The following TMEM108 variants were observed in gnomAD, a reference collection of about 807,000 sequenced individuals.
TMEM108 encodes cancer/testis antigen 124.
TMEM108 carries 12 observed loss-of-function variants against 35.1 expected under a neutral mutation model. The ratio of observed to expected loss-of-function variants is 0.34; its 90% CI spans 0.22 to 0.55. The LOEUF (loss-of-function observed/expected upper bound fraction) is 0.55. Ranked by LOEUF, TMEM108 falls within the 20% of genes least tolerant of loss-of-function variation. The pLI, the probability that TMEM108 is intolerant of heterozygous loss-of-function variation, is 0.89. For synonymous variants in TMEM108, 287 were observed against 308.6 expected (o/e 0.93, Z 0.73); for missense variants, 680 against 753.3 (o/e 0.90, Z 1.14).
intron 3 of TMEM108, among the ~76,000 whole-genome samples, chr3:133,270,590 G>T (rs1202793252): frequency 6.6e-6 from 1 of 152,082 alleles, no homozygotes; most frequent in African/African-American, 2.4e-5. Context: ...AAGAAGACTG[G>T]AGGCTACTGG....
At chr3:133,093,157 T>C (rs1440639772) in intron 2 of TMEM108, among the ~76,000 whole-genome samples, 1 of 152,060 alleles carries the variant, frequency 6.6e-6, no homozygotes. Flanking sequence ...ATCTGGCTAA[T>C]TTTTTGTATT....
chr3:133,229,203 G>A, intron 2 of TMEM108, 63 bp from the exon 3 acceptor site: 1 of 1,110,984 alleles, frequency 9.0e-7, no homozygotes, highest in Non-Finnish European at 1.3e-6. Context: ...ATTGAGTGGA[G>A]TTATTTCTGA....
chr3:133,247,095 A>G (rs561821637), intron 3 of TMEM108: 1 of 152,316 alleles, frequency 6.6e-6, no homozygotes, highest in Admixed American at 6.5e-5. Flanking sequence ...TCTCCTGGGG[A>G]AAACTGTCTC....
chr3:133,092,207 G>A (rs1282474405), intron 2 of TMEM108, among the ~76,000 whole-genome samples: 5 of 152,176 alleles, frequency 3.3e-5, no homozygotes, highest in Non-Finnish European at 5.9e-5. Flanking sequence ...ATACATAGAA[G>A]TCAACTTCAT....
intron 2 of TMEM108, among the ~76,000 whole-genome samples, chr3:133,189,648 AT>A (rs1209830199): frequency 3.3e-5 from 5 of 152,234 alleles, no homozygotes; most frequent in South Asian, 2.1e-4. Flanking sequence ...TTACTTGACA[AT>A]TTGAGACACA....
chr3:133,150,789 G>A (rs1180345372), intron 2 of TMEM108, among the ~76,000 whole-genome samples: 2 of 152,058 alleles, frequency 1.3e-5, no homozygotes, highest in Non-Finnish European at 2.9e-5. Flanking sequence ...AGTGAACATC[G>A]ATCCAATAAG....
intron 2 of TMEM108, among the ~76,000 whole-genome samples, chr3:133,168,580 C>G (rs1296121679): frequency 1.3e-5 from 2 of 152,092 alleles, no homozygotes; most frequent in African/African-American, 4.8e-5. Context: ...CCAATCAGCA[C>G]TCTGTAAAAC....
intron 2 of TMEM108, among the ~76,000 whole-genome samples, chr3:133,179,118 A>G (rs1158275685): frequency 6.6e-6 from 1 of 151,728 alleles, no homozygotes; most frequent in Non-Finnish European, 1.5e-5. Flanking sequence ...ACCATCTCAC[A>G]CCAGTTAGAA....
intron 2 of TMEM108, among the ~76,000 whole-genome samples, chr3:133,180,956 A>G (rs529774514): frequency 2.1e-5 from 3 of 140,256 alleles, no homozygotes; most frequent in African/African-American, 8.0e-5. Context: ...CACATACATC[A>G]TTAATGCTTC....
chr3:133,139,788 T>TA (rs1320372915), intron 2 of TMEM108, among the ~76,000 whole-genome samples: 1 of 152,234 alleles, frequency 6.6e-6, no homozygotes, highest in Non-Finnish European at 1.5e-5. Flanking sequence ...GCCTTGATGT[T>TA]AGGCTGTCCT....
chr3:133,190,821 G>GT (rs1166190877), intron 2 of TMEM108, among the ~76,000 whole-genome samples: 1 of 152,102 alleles, frequency 6.6e-6, no homozygotes. Context: ...ATATATTTGT[G>GT]TTTTTCTTCC....
intron 2 of TMEM108, among the ~76,000 whole-genome samples, chr3:133,123,396 C>A (rs1944377629): frequency 6.6e-6 from 1 of 152,178 alleles, no homozygotes; most frequent in African/African-American, 2.4e-5. Context: ...TTTTTAGCAT[C>A]ACTAAATATT....
At chr3:133,172,798 T>C (rs1945149712) in intron 2 of TMEM108, among the ~76,000 whole-genome samples, 1 of 152,210 alleles carries the variant, frequency 6.6e-6, no homozygotes, top group Non-Finnish European at 1.5e-5. Flanking sequence ...TTCCCATGTA[T>C]TGCAGGAGGG....
At chr3:133,046,322 A>G (rs933385680) in intron 2 of TMEM108, among the ~76,000 whole-genome samples, 18 of 152,210 alleles carry the variant, frequency 1.2e-4, no homozygotes, top group Non-Finnish European at 2.4e-4. Context: ...GGTGCACTGT[A>G]AAGATGGGAA....
At chr3:133,369,170 G>A (rs545628188) in intron 3 of TMEM108, among the ~76,000 whole-genome samples, 7 of 152,266 alleles carry the variant, frequency 4.6e-5, no homozygotes, top group Middle Eastern at 3.4e-3. Context: ...AGGTCTCTGC[G>A]GGGAAGAGTC....
chr3:133,219,040 A>G (rs967311831), intron 2 of TMEM108, among the ~76,000 whole-genome samples: 12 of 152,138 alleles, frequency 7.9e-5, no homozygotes, highest in African/African-American at 2.9e-4. Context: ...GAGACTTTTA[A>G]TTACTGATTC....
At chr3:133,199,239 C>T (rs547353502) in intron 2 of TMEM108, among the ~76,000 whole-genome samples, 1 of 152,302 alleles carries the variant, frequency 6.6e-6, no homozygotes, top group Non-Finnish European at 1.5e-5. Flanking sequence ...CGAACTTCCT[C>T]CTTTAGCTCG....
intron 2 of TMEM108, among the ~76,000 whole-genome samples, chr3:133,086,129 G>A (rs1019714024): frequency 1.3e-4 from 20 of 152,246 alleles, no homozygotes; most frequent in Middle Eastern, 3.4e-3. Flanking sequence ...GAAAGGGATG[G>A]CATCCCAAAT....
chr3:133,293,507 A>G (rs1947101812), intron 3 of TMEM108, among the ~76,000 whole-genome samples: 2 of 151,916 alleles, frequency 1.3e-5, no homozygotes, highest in South Asian at 2.1e-4. Context: ...CTCAAGACCA[A>G]AGATTAATAA....
Sources: allele counts gnomAD v4.1 joint callset (sites outside exome capture counted in the v4.1 genomes callset), GRCh38; gene constraint gnomAD v4.1.1; transcripts MANE v1.5; gene names NCBI Gene and HGNC (gene_info 2026-07-23, HGNC 2026-07-21).